The following CACNB2 variants were observed in gnomAD, a reference collection of about 807,000 sequenced individuals.
CACNB2 encodes calcium voltage-gated channel auxiliary subunit beta 2, also known as voltage-dependent L-type calcium channel subunit beta-2.
A neutral mutation model predicts 73.3 loss-of-function variants in CACNB2; 42 were observed. That is an observed-to-expected ratio of 0.57 (90% confidence interval 0.45 to 0.74). The LOEUF (loss-of-function observed/expected upper bound fraction) is 0.74. CACNB2 is among the 30% of genes least tolerant of loss of function. CACNB2 has a pLI of 0.00. For missense variants in CACNB2, 940 were observed against 853.0 expected (o/e 1.10, Z -1.27); for synonymous variants, 348 against 310.3 (o/e 1.12, Z -1.28).
At chr10:18,244,053 A>C (rs1464738244) in intron 2 of CACNB2, among the ~76,000 whole-genome samples, 1 of 152,176 alleles carries the variant, frequency 6.6e-6, no homozygotes, top group Non-Finnish European at 1.5e-5. Flanking sequence ...GGGAGAACTA[A>C]TAATGCAATG....
At chr10:18,461,764 CTTTTTT>C (rs35385599) in intron 3 of CACNB2, among the ~76,000 whole-genome samples, 4 of 68,020 alleles carry the variant, frequency 5.9e-5, no homozygotes, top group African/African-American at 1.2e-4. Flanking sequence ...TTCGATAAAG[CTTTTTT>C]TTTTTTTTTT....
rs189332038 is a variant in CACNB2, at chr10:18,166,654, C to T, written c.213+15679C>T. ...TTGGCTTGTGAAGTCTAGTCCAGGA[C>T]AGAGGAGAGGAGAGTAAAAACCACT... On this transcript the variant is annotated intron_variant, in intron 2 of 13. Transcript: ENST00000324631. Among the ~76,000 whole-genome samples, 556 of 152,168 alleles carry T rather than the reference C, an allele frequency of 3.7e-3. 16 individuals are homozygous for T. The highest frequency in any genetic ancestry group is 0.03 in the Admixed American group (459 of 15,284).
intron 3 of CACNB2, among the ~76,000 whole-genome samples, chr10:18,464,655 A>G (rs1210844582): frequency 2.0e-5 from 3 of 152,022 alleles, no homozygotes; most frequent in South Asian, 4.1e-4. Flanking sequence ...TAACTCTAAA[A>G]TACACCCAGC....
intron 2 of CACNB2, among the ~76,000 whole-genome samples, chr10:18,233,110 T>C (rs1318757750): frequency 6.6e-6 from 1 of 152,146 alleles, no homozygotes; most frequent in Admixed American, 6.5e-5. Flanking sequence ...TTAGAGAGCT[T>C]GAGAAAAAAC....
chr10:18,442,837 A>G (rs1270557804), intron 3 of CACNB2, among the ~76,000 whole-genome samples: 1 of 139,890 alleles, frequency 7.1e-6, no homozygotes, highest in Non-Finnish European at 1.6e-5. Context: ...AAAAAAAAAG[A>G]AAGAAAGAAT....
At chr10:18,483,555 A>C (rs1462630750) in intron 3 of CACNB2, among the ~76,000 whole-genome samples, 1 of 151,966 alleles carries the variant, frequency 6.6e-6, no homozygotes, top group Non-Finnish European at 1.5e-5. Flanking sequence ...AAGAAAAGAA[A>C]AAAGAAACCA....
chr10:18,261,345 G>C (rs2037532566), intron 2 of CACNB2: 1 of 1,551,616 alleles, frequency 6.4e-7, no homozygotes, highest in South Asian at 1.2e-5. Flanking sequence ...TAGAATTGCA[G>C]CTGGGAGCTG....
At chr10:18,411,672 T>C (rs2044637648) in intron 3 of CACNB2, among the ~76,000 whole-genome samples, 1 of 152,086 alleles carries the variant, frequency 6.6e-6, no homozygotes. Flanking sequence ...CCATGTGGGC[T>C]AATTTTTGTA....
intron 3 of CACNB2, among the ~76,000 whole-genome samples, chr10:18,459,465 T>C (rs1272571841): frequency 6.6e-6 from 1 of 152,208 alleles, no homozygotes; most frequent in Non-Finnish European, 1.5e-5. Context: ...ATGCTGGGAA[T>C]ACCTGAATCA....
At chr10:18,228,407 T>G (rs1397624392) in intron 2 of CACNB2, among the ~76,000 whole-genome samples, 1 of 61,924 alleles carries the variant, frequency 1.6e-5, no homozygotes, top group Admixed American at 2.8e-4. Flanking sequence ...CACTCCAGCC[T>G]GAGCAACAAG....
intron 3 of CACNB2, among the ~76,000 whole-genome samples, chr10:18,447,332 G>A (rs1483025605): frequency 2.6e-5 from 4 of 152,208 alleles, no homozygotes; most frequent in African/African-American, 9.7e-5. Context: ...GTAGAGCTAA[G>A]ATGAGAGATT....
rs1169069939 is a variant in CACNB2 at position 18,240,483 on chromosome 10, G to A, written c.213+89508G>A. ...TTGAGAAAGTGGAACGTGTAACCAG[G>A]TCGCTCACTATTAATCTTTTAGCTG... is the stretch of plus-strand genomic sequence containing the variant. On this transcript the variant is annotated intron_variant, in intron 2 of 13. Coordinates refer to ENST00000324631, the MANE Select transcript of CACNB2 (RefSeq NM_201596.3). Among the ~76,000 whole-genome samples the A allele has an allele frequency of 2.6e-5, 4 of 152,252 alleles. No individual in the cohort carries two copies. In the South Asian group the frequency reaches 6.2e-4, roughly 24 times the overall value.
rs142880229 is a variant in CACNB2 at position 18,324,648 on chromosome 10, G to C, written c.214-77276G>C. Among the ~76,000 whole-genome samples, 331 of 152,354 alleles carry C rather than the reference G, an allele frequency of 2.2e-3. 3 individuals are homozygous for C. The highest frequency in any genetic ancestry group is 7.5e-3 in the African/African-American group (310 of 41,586). ...TGGGTGGATCTCTTCTTAAAGTCCA[G>C]AGTTTGAGACCAGCCTGGCCAACAT... On this transcript the variant is annotated intron_variant, in intron 2 of 13. Transcript: ENST00000324631.
At chr10:18,220,240 G>GGT (rs1417534113) in intron 2 of CACNB2, among the ~76,000 whole-genome samples, 1 of 72,356 alleles carries the variant, frequency 1.4e-5, no homozygotes, top group African/African-American at 8.6e-5. Context: ...TATAGAGAGA[G>GGT]AGAGAGAGAG....
intron 3 of CACNB2, among the ~76,000 whole-genome samples, chr10:18,428,375 C>T (rs1327569793): frequency 6.6e-6 from 1 of 152,168 alleles, no homozygotes. Context: ...CCCCTTATCT[C>T]CCTATTTCTT....
intron 7 of CACNB2, chr10:18,515,077 C>T (rs1354831016): frequency 1.3e-6 from 2 of 1,518,412 alleles, no homozygotes; most frequent in Non-Finnish European, 1.8e-6. Context: ...AAATATTCTC[C>T]CGATGTTCTT....
intron 6 of CACNB2, among the ~76,000 whole-genome samples, chr10:18,509,900 G>C (rs1360243650): frequency 1.3e-5 from 2 of 152,214 alleles, no homozygotes; most frequent in Non-Finnish European, 2.9e-5. Context: ...ATATATGAAA[G>C]CAGTTCTTTC....
chr10:18,175,987 C>T (rs954364686), intron 2 of CACNB2, among the ~76,000 whole-genome samples: 2 of 152,202 alleles, frequency 1.3e-5, no homozygotes, highest in African/African-American at 4.8e-5. Flanking sequence ...ATGGTAGGAA[C>T]CTGAGAGCAG....
intron 11 of CACNB2, among the ~76,000 whole-genome samples, chr10:18,535,436 A>C (rs1294162605): frequency 1.3e-5 from 2 of 152,152 alleles, no homozygotes; most frequent in Admixed American, 1.3e-4. Context: ...GAAGCCAGCC[A>C]GCCAGCCATT....
Sources: allele counts gnomAD v4.1 joint callset (sites outside exome capture counted in the v4.1 genomes callset), GRCh38; gene constraint gnomAD v4.1.1; transcripts MANE v1.5; gene names NCBI Gene and HGNC (gene_info 2026-07-23, HGNC 2026-07-21).